RASA1: variants seen among roughly 807,000 people sequenced by gnomAD.
RASA1 encodes the protein ras GTPase-activating protein 1.
RASA1 carries 25 observed loss-of-function variants against 132.2 expected under a neutral mutation model. The ratio of observed to expected loss-of-function variants is 0.19; its 90% CI spans 0.14 to 0.26. RASA1 has a LOEUF of 0.26. Ranked by LOEUF, RASA1 falls within the 10% of genes least tolerant of loss-of-function variation. The pLI is 1.00. For synonymous variants in RASA1, 477 were observed against 449.9 expected (o/e 1.06, Z -0.76); for missense variants, 964 against 1,299.2 (o/e 0.74, Z 3.97).
chr5:87,274,369 T>G (rs900112512), intron 1 of RASA1, among the ~76,000 whole-genome samples: 1 of 152,184 alleles, frequency 6.6e-6, no homozygotes, highest in African/African-American at 2.4e-5. Context: ...TTGGTGAAGG[T>G]TAATGTTAGA....
At chr5:87,336,064 C>G (rs1190614117) in intron 4 of RASA1, among the ~76,000 whole-genome samples, 1 of 152,114 alleles carries the variant, frequency 6.6e-6, no homozygotes, top group Non-Finnish European at 1.5e-5. Flanking sequence ...AGATTTTCCT[C>G]ATATGTTTTA....
At chr5:87,278,152 A>G (rs936139202) in intron 1 of RASA1, among the ~76,000 whole-genome samples, 2 of 152,204 alleles carry the variant, frequency 1.3e-5, no homozygotes, top group Non-Finnish European at 2.9e-5. Context: ...GATAGACCGT[A>G]TCTCACCTAT....
chr5:87,388,494 A>G (rs932062328), intron 23 of RASA1, among the ~76,000 whole-genome samples: 2 of 152,166 alleles, frequency 1.3e-5, no homozygotes, highest in Non-Finnish European at 2.9e-5. Context: ...CCAATTTTGG[A>G]TTTTTGGATT....
intron 1 of RASA1, chr5:87,331,027 A>T (rs1272011729): frequency 7.5e-7 from 1 of 1,330,222 alleles, no homozygotes; most frequent in Non-Finnish European, 9.9e-7. Context: ...TTATTTTTCT[A>T]AGTAAAGATC....
At chr5:87,324,413 C>T (rs996079267) in intron 1 of RASA1, among the ~76,000 whole-genome samples, 3 of 152,086 alleles carry the variant, frequency 2.0e-5, no homozygotes, top group African/African-American at 7.2e-5. Flanking sequence ...AAAAACTTCA[C>T]AATCATGGTT....
chr5:87,270,061 G>C (rs1296500709), intron 1 of RASA1, among the ~76,000 whole-genome samples: 2 of 151,854 alleles, frequency 1.3e-5, no homozygotes, highest in Non-Finnish European at 1.5e-5. Flanking sequence ...GGCCAACCTG[G>C]TGAAACCCTG....
At chr5:87,389,771 TG>T (rs1762352245) in intron 24 of RASA1, among the ~76,000 whole-genome samples, 1 of 152,208 alleles carries the variant, frequency 6.6e-6, no homozygotes, top group Non-Finnish European at 1.5e-5. Flanking sequence ...TGGAAAACAG[TG>T]TAATAACACT....
intron 1 of RASA1, among the ~76,000 whole-genome samples, chr5:87,287,206 ATATATATACACACCG>A (rs1754641437): frequency 1.4e-5 from 2 of 146,904 alleles, no homozygotes; most frequent in South Asian, 4.3e-4. Context: ...TATACACACC[ATATATATACACACCG>A]TATATATACA....
At chr5:87,335,381 C>G (rs181009757) in intron 4 of RASA1, among the ~76,000 whole-genome samples, 3 of 137,442 alleles carry the variant, frequency 2.2e-5, no homozygotes, top group Non-Finnish European at 3.1e-5. Context: ...GAAATAATGA[C>G]TTTTCTGATG....
intron 1 of RASA1, among the ~76,000 whole-genome samples, chr5:87,285,764 G>A (rs964000275): frequency 6.6e-6 from 1 of 151,130 alleles, no homozygotes; most frequent in East Asian, 2.0e-4. Context: ...GATCATAGGC[G>A]CACACCACCA....
intron 23 of RASA1, 97 bp downstream of exon 23, chr5:87,387,000 C>T: frequency 8.6e-7 from 1 of 1,168,912 alleles, no homozygotes; most frequent in Non-Finnish European, 1.2e-6. Context: ...ATTTTCTATC[C>T]AAAACTAAAA....
chr5:87,294,308 T>G (rs1481379809), intron 1 of RASA1: 1 of 152,266 alleles, frequency 6.6e-6, no homozygotes, highest in Non-Finnish European at 1.5e-5. Flanking sequence ...TCACCCCTCC[T>G]TAGGCAACCT....
intron 1 of RASA1, among the ~76,000 whole-genome samples, chr5:87,272,639 C>T (rs1157914883): frequency 1.3e-5 from 2 of 152,134 alleles, no homozygotes; most frequent in African/African-American, 4.8e-5. Context: ...GTGCCCATAA[C>T]TGTAATATTT....
intron 1 of RASA1, among the ~76,000 whole-genome samples, chr5:87,281,808 T>A (rs1384368007): frequency 6.6e-6 from 1 of 152,174 alleles, no homozygotes; most frequent in Non-Finnish European, 1.5e-5. Context: ...CTTGAACTCC[T>A]GACCTCAAGT....
At chr5:87,281,444 C>T (rs908200171) in intron 1 of RASA1, among the ~76,000 whole-genome samples, 1 of 151,920 alleles carries the variant, frequency 6.6e-6, no homozygotes, top group Non-Finnish European at 1.5e-5. Context: ...TAATAGCTAT[C>T]CTAGTGGGTG....
chr5:87,289,240 T>C (rs1231447674), intron 1 of RASA1, among the ~76,000 whole-genome samples: 2 of 152,180 alleles, frequency 1.3e-5, no homozygotes, highest in African/African-American at 4.8e-5. Context: ...ATGCCATAGG[T>C]CATGAGTTCT....
chr5:87,391,232 T>G lies in RASA1; in HGVS notation c.*349T>G, dbSNP rs1470379323. On this transcript the variant is annotated 3_prime_UTR_variant, in exon 25 of 25. Coordinates refer to ENST00000274376, the MANE Select transcript of RASA1 (RefSeq NM_002890.3). Reference sequence around the variant, plus strand: ...GTACACCCAGTTGCCAAAGTTTTGCTGTCTCTTAGAGAAAGAACTATGAAA... The same window carrying G: ...GTACACCCAGTTGCCAAAGTTTTGCGGTCTCTTAGAGAAAGAACTATGAAA... 2.3e-6 allele frequency: 1 copy of G among 429,952 alleles called. No individual in the cohort carries two copies. Among genetic ancestry groups the G allele is most frequent in the Admixed American group, 3.8e-5 (1 of 25,986 alleles). The allele number at this position is 429,952 out of a possible 1,614,324, so 26.6% of individuals were successfully genotyped here.
At chr5:87,294,835 A>G (rs952316565) in intron 1 of RASA1, among the ~76,000 whole-genome samples, 1 of 152,202 alleles carries the variant, frequency 6.6e-6, no homozygotes, top group Non-Finnish European at 1.5e-5. Flanking sequence ...TGTTGGATGA[A>G]GTAGTCTATA....
chr5:87,312,433 G>A (rs1388194327), intron 1 of RASA1, among the ~76,000 whole-genome samples: 1 of 152,160 alleles, frequency 6.6e-6, no homozygotes, highest in Non-Finnish European at 1.5e-5. Context: ...ACTCCATTAT[G>A]TGTAATTTTT....
Sources: gnomAD v4.1 joint callset for allele counts (sites outside exome capture counted in the v4.1 genomes callset) on GRCh38, gnomAD v4.1.1 for gene constraint, MANE v1.5 for transcripts, NCBI Gene and HGNC (gene_info 2026-07-23, HGNC 2026-07-21) for gene names.